Variants in ADAMTS18 observed in about 807,000 individuals in gnomAD.
ADAMTS18 encodes ADAM metallopeptidase with thrombospondin type 1 motif 18.
ADAMTS18 carries 157 observed loss-of-function variants against 165.9 expected under a neutral mutation model. The ratio of observed to expected loss-of-function variants is 0.95; its 90% confidence interval spans 0.83 to 1.08. ADAMTS18 has a LOEUF of 1.08. Among genes scored for constraint, ADAMTS18 ranks in the 50% least tolerant of loss-of-function variants. The pLI, the probability that ADAMTS18 is intolerant of heterozygous loss-of-function variation, is 0.00. For synonymous variants in ADAMTS18, 782 were observed against 578.2 expected (o/e 1.35, Z -5.06); for missense variants, 2,040 against 1,534.0 (o/e 1.33, Z -5.51).
rs576245172 is a variant in ADAMTS18 at position 77,335,458 on chromosome 16, A to G, written c.1859+298T>C. 1.3e-3 allele frequency among the ~76,000 whole-genome samples: 193 copies of G among 152,104 alleles called. 1 individual carries two copies. Among genetic ancestry groups the G allele is most frequent in the African/African-American group, 4.6e-3 (189 of 41,490 alleles). On this transcript the variant is annotated intron_variant, in intron 12 of 22. Transcript: ENST00000282849. ...GTGACTATAGTTAACAATTCATTGT[A>G]TATCTTAAAATAACTAAAACAGTGG... is the stretch of plus-strand genomic sequence containing the variant.
In ADAMTS18 at chr16:77,434,795, G is replaced by A. The variant is rs957604840; in HGVS notation, c.-100C>T. 3 of 1,064,832 alleles carry A rather than the reference G, an allele frequency of 2.8e-6. No homozygotes were observed. Among genetic ancestry groups the A allele is most frequent in the Admixed American group, 8.5e-5 (2 of 23,548 alleles). The allele number at this position is 1,064,832 out of a possible 1,614,324, so 66.0% of individuals were successfully genotyped here. A position where few individuals can be genotyped will look rare whatever the true frequency, so the allele number is the denominator to read the frequency against. ...CGCGGCCCCGGAGCTCGGCGCCCCA[G>A]GTGCGGCTCCAGGTGAGAGCCGCCG... On this transcript the variant is annotated 5_prime_UTR_variant, in exon 1 of 23. Transcript: ENST00000282849.
At chr16:77,314,753 C>CTTATATATATATATATAT (rs1555511655) in intron 16 of ADAMTS18, among the ~76,000 whole-genome samples, 1,836 of 36,604 alleles carry the variant, frequency 0.05, 459 homozygotes, top group Non-Finnish European at 0.07. Flanking sequence ...TCTCAGGTTT[C>CTTATATATATATATATAT]ATATATATAT....
At chr16:77,431,081 C>G (rs1482803854) in intron 3 of ADAMTS18, among the ~76,000 whole-genome samples, 1 of 152,192 alleles carries the variant, frequency 6.6e-6, no homozygotes, top group Non-Finnish European at 1.5e-5. Flanking sequence ...CATTAAACAT[C>G]AAAAGATTGT....
chr16:77,339,098 A>G (rs1199651336), intron 11 of ADAMTS18, among the ~76,000 whole-genome samples: 1 of 152,184 alleles, frequency 6.6e-6, no homozygotes, highest in African/African-American at 2.4e-5. Flanking sequence ...AACAAACAAA[A>G]CATTGAGTAC....
At chr16:77,350,852 A>C (rs868202543) in intron 10 of ADAMTS18, among the ~76,000 whole-genome samples, 2 of 152,138 alleles carry the variant, frequency 1.3e-5, no homozygotes, top group Non-Finnish European at 2.9e-5. Context: ...GGACACTTTG[A>C]TAATTAGTTC....
rs76079717 is a variant in ADAMTS18, at chr16:77,375,023, A to G, written c.496-7300T>C. On this transcript the variant is annotated intron_variant, in intron 3 of 22. Coordinates refer to ENST00000282849, the MANE Select transcript of ADAMTS18 (RefSeq NM_199355.4). ...TACACCCAAAAGAAACCATCTGTTT[A>G]TTTGTGGAGTGTTTAAAGCATTTTG... is the stretch of plus-strand genomic sequence containing the variant. Among the ~76,000 whole-genome samples the G allele has an allele frequency of 7.6e-4, 116 of 152,270 alleles. 4 individuals carry two copies. In the East Asian group the frequency reaches 0.018, roughly 24 times the overall value.
intron 3 of ADAMTS18, among the ~76,000 whole-genome samples, chr16:77,400,851 CT>C (rs1319846669): frequency 6.6e-6 from 1 of 152,076 alleles, no homozygotes; most frequent in African/African-American, 2.4e-5. Context: ...TCTTATACTG[CT>C]GTTGTTCCTT....
At chr16:77,352,993 T>C (rs1487651921) in intron 10 of ADAMTS18, among the ~76,000 whole-genome samples, 11 of 152,014 alleles carry the variant, frequency 7.2e-5, no homozygotes, top group Admixed American at 5.9e-4. Context: ...GGCGGGAGAA[T>C]GGCATGAACC....
At chr16:77,378,136 G>A (rs916919733) in intron 3 of ADAMTS18, among the ~76,000 whole-genome samples, 2 of 151,780 alleles carry the variant, frequency 1.3e-5, no homozygotes, top group East Asian at 2.0e-4. Context: ...ATCAGCCTGG[G>A]AAACACCACA....
rs767685335 is a variant in ADAMTS18, at chr16:77,356,070, T to C, written c.1330A>G (p.Met444Val). 3.1e-6 allele frequency: 5 copies of C among 1,613,968 alleles called. No homozygotes were observed. The highest frequency in any genetic ancestry group is 1.7e-5 in the Admixed American group (1 of 59,996). Reference sequence around the variant, plus strand: ...GGATTCCCTTCTCCATCGTGAATCATACCAAAGCTGAAACAGAATGAAGAA... The same window carrying C: ...GGATTCCCTTCTCCATCGTGAATCACACCAAAGCTGAAACAGAATGAAGAA... ...IAHESGHNFG[M>V]IHDGEGNPCR... The change falls in exon 9 of 23, where the codon ATG (methionine) becomes GTG (valine). Residue 444 changes from methionine to valine, a missense_variant. Coordinates refer to ENST00000282849, the MANE Select transcript of ADAMTS18 (RefSeq NM_199355.4).
intron 9 of ADAMTS18, among the ~76,000 whole-genome samples, chr16:77,354,227 T>C (rs1365179155): frequency 2.6e-5 from 4 of 152,156 alleles, no homozygotes; most frequent in African/African-American, 9.6e-5. Context: ...GAGTCCCTAC[T>C]CTGTGGCAAA....
In ADAMTS18 at chr16:77,319,943, G is replaced by A. The variant is rs865936548; in HGVS notation, c.2438C>T (p.Pro813Leu). ...GTATTCAAACGTGGTCCCAGCGAAGGGGAACTCCCCAGGCCAGTCGATGCT... is the reference window on the plus strand; with the variant it reads ...GTATTCAAACGTGGTCCCAGCGAAGAGGAACTCCCCAGGCCAGTCGATGCT... ...GWSIDWPGEF[P>L]FAGTTFEYQR... Residue 813 changes from proline (P) to leucine (L), a missense_variant, in exon 16 of 23, where the codon CCC becomes CTC. By Grantham distance (98) the Pro-to-Leu change is moderately conservative. Transcript: ENST00000282849. The A allele has an allele frequency of 6.2e-7, 1 of 1,614,190 alleles. No individual in the cohort carries two copies. Among genetic ancestry groups the A allele is most frequent in the Non-Finnish European group, 8.5e-7 (1 of 1,180,032 alleles).
intron 3 of ADAMTS18, among the ~76,000 whole-genome samples, chr16:77,422,896 T>C (rs1465111954): frequency 6.6e-6 from 1 of 152,192 alleles, no homozygotes; most frequent in East Asian, 1.9e-4. Flanking sequence ...CATGGTGTGA[T>C]GCATTCCACA....
intron 10 of ADAMTS18, among the ~76,000 whole-genome samples, chr16:77,346,522 C>A (rs549499371): frequency 6.6e-6 from 1 of 151,922 alleles, no homozygotes; most frequent in African/African-American, 2.4e-5. Context: ...CTAAAAAAAA[C>A]TGGATAATGA....
intron 11 of ADAMTS18, among the ~76,000 whole-genome samples, chr16:77,338,360 G>A (rs563142508): frequency 1.3e-4 from 19 of 151,962 alleles, no homozygotes; most frequent in South Asian, 2.1e-4. Context: ...CTCAGCTTCC[G>A]GAGTAGCTGG....
chr16:77,372,007 G>C (rs1039013759), intron 3 of ADAMTS18, among the ~76,000 whole-genome samples: 9 of 152,026 alleles, frequency 5.9e-5, no homozygotes, highest in South Asian at 2.1e-4. Context: ...ATGGCCAACA[G>C]GGGTATATGA....
intron 13 of ADAMTS18, among the ~76,000 whole-genome samples, chr16:77,324,562 G>A (rs552284219): frequency 2.0e-5 from 3 of 152,266 alleles, no homozygotes; most frequent in Admixed American, 2.0e-4. Context: ...TTGTGGGGAG[G>A]AAGATAACAG....
chr16:77,285,232 G>A (rs551175762), intron 22 of ADAMTS18, among the ~76,000 whole-genome samples: 10 of 152,284 alleles, frequency 6.6e-5, no homozygotes, highest in Admixed American at 2.0e-4. Context: ...GAGTGCAATG[G>A]TATAATCTCG....
intron 12 of ADAMTS18, among the ~76,000 whole-genome samples, chr16:77,332,952 C>T (rs1323664305): frequency 1.3e-5 from 2 of 152,184 alleles, no homozygotes; most frequent in Non-Finnish European, 1.5e-5. Context: ...TCTGTCAACA[C>T]GTGTTGATGT....
Sources: allele counts gnomAD v4.1 joint callset (sites outside exome capture counted in the v4.1 genomes callset), GRCh38; gene constraint gnomAD v4.1.1; transcripts MANE v1.5; gene names NCBI Gene and HGNC (gene_info 2026-07-23, HGNC 2026-07-21).